FBXO8: variants seen among roughly 807,000 people sequenced by gnomAD.
FBXO8 encodes the protein F-box protein 8.
In FBXO8, 15 loss-of-function variants were observed where a neutral mutation model predicts 33.4. The observed-to-expected ratio is 0.45, with a 90% CI of 0.30 to 0.69. FBXO8 has a LOEUF of 0.69. FBXO8 is among the 30% of genes least tolerant of loss of function. The probability of loss-of-function intolerance (pLI) is 0.08; values close to 1 mark genes in which losing one functional copy is unlikely to be tolerated. For missense variants in FBXO8, 274 were observed against 380.3 expected, an observed-to-expected ratio of 0.72 and a Z score of 2.32; for synonymous variants, 132 against 131.5, an observed-to-expected ratio of 1.00 and a Z score of -0.02.
At position 174,272,349 on chromosome 4, in the gene FBXO8, T is replaced by A. The variant is rs1159091065; in HGVS notation, c.-8-9249A>T. 6.6e-6 allele frequency among the ~76,000 whole-genome samples: 1 copy of A among 152,230 alleles called. No individual in the cohort carries two copies. Among genetic ancestry groups the A allele is most frequent in the African/African-American group, 2.4e-5 (1 of 41,452 alleles). ...CTTTAAATCATCTCTAGATTACTTA[T>A]AACATCCAATAAGATGTAAATGCTA... is the stretch of plus-strand genomic sequence containing the variant. On this transcript the variant is annotated intron_variant, in intron 1 of 5. Transcript: ENST00000393674. This position sits in a 1 kb window ranked among gnomAD's most constrained non-coding sequence, Gnocchi z 4.7.
At chr4:174,273,235 T>G (rs566295107) in intron 1 of FBXO8, among the ~76,000 whole-genome samples, 1 of 150,842 alleles carries the variant, frequency 6.6e-6, no homozygotes, top group East Asian at 2.0e-4. Context: ...TCCAGTGAAC[T>G]AAGATTACAC....
At chr4:174,280,341 C>T (rs1737051982) in intron 1 of FBXO8, among the ~76,000 whole-genome samples, 1 of 151,746 alleles carries the variant, frequency 6.6e-6, no homozygotes, top group South Asian at 2.1e-4. Context: ...TAAGTCTTGG[C>T]AAGGATGTGG....
chr4:174,270,456 T>C lies in FBXO8; in HGVS notation c.-8-7356A>G, dbSNP rs890833121. On this transcript the variant is annotated intron_variant, in intron 1 of 5. Transcript: ENST00000393674. The surrounding 1 kb of genome is among the most constrained non-coding windows in gnomAD (Gnocchi z 4.6). ...CAGCCACTATCACCCCTATATGATC[T>C]GTTGTCCTCCCACCTGCTAACATTT... Among the ~76,000 whole-genome samples, 2 of 152,160 alleles carry C rather than the reference T, an allele frequency of 1.3e-5. No homozygotes were observed. The highest frequency in any genetic ancestry group is 2.9e-5 in the Non-Finnish European group (2 of 68,020).
chr4:174,275,187 A>G lies in FBXO8; in HGVS notation c.-9+8223T>C, dbSNP rs1210252797. Among the ~76,000 whole-genome samples the G allele has an allele frequency of 6.6e-6, 1 of 152,236 alleles. No homozygotes were observed. Among genetic ancestry groups the G allele is most frequent in the Non-Finnish European group, 1.5e-5 (1 of 68,034 alleles). On this transcript the variant is annotated intron_variant, in intron 1 of 5. Transcript: ENST00000393674. The surrounding 1 kb of genome is among the most constrained non-coding windows in gnomAD (Gnocchi z 4.4). Reference sequence around the variant, plus strand: ...GGATATACAAATGGCAAATAAGCACATGGTAAGATGGTCAACATCATTAGC... The same window carrying G: ...GGATATACAAATGGCAAATAAGCACGTGGTAAGATGGTCAACATCATTAGC...
At chr4:174,243,716 T>C (rs1296743848) in intron 3 of FBXO8, among the ~76,000 whole-genome samples, 2 of 151,244 alleles carry the variant, frequency 1.3e-5, no homozygotes, top group Non-Finnish European at 3.0e-5. Flanking sequence ...CCACATAGCA[T>C]ATCAGTGACT....
chr4:174,251,357 T>C lies in FBXO8; in HGVS notation c.456+8342A>G, dbSNP rs1463052887. Among the ~76,000 whole-genome samples the C allele has an allele frequency of 5.9e-5, 9 of 152,094 alleles. No individual in the cohort carries two copies. Among genetic ancestry groups the C allele is most frequent in the African/African-American group, 2.2e-4 (9 of 41,430 alleles). The stretch of plus-strand genomic sequence containing the variant: ...ACCAGATAAAGATTAGAAGAGGGCC[T>C]CGGAAATTTGTCTTTCTTTCAAGTT... On this transcript the variant is annotated intron_variant, in intron 3 of 5. Transcript: ENST00000393674. The surrounding 1 kb of genome is among the most constrained non-coding windows in gnomAD (Gnocchi z 4.2).
Position 174,251,120 on chromosome 4 carries a change from A to G in FBXO8, c.456+8579T>C, listed in dbSNP as rs542167777. Among the ~76,000 whole-genome samples, 1 of 152,202 alleles carries G rather than the reference A, an allele frequency of 6.6e-6. No individual in the cohort carries two copies. Among genetic ancestry groups the G allele is most frequent in the Non-Finnish European group, 1.5e-5 (1 of 68,024 alleles). ...CAAATAAAAAATTGTTCATTGTAGC[A>G]TATCATATTTTAATATTAAAAATTT... On this transcript the variant is annotated intron_variant, in intron 3 of 5. Transcript: ENST00000393674. The surrounding 1 kb of genome is among the most constrained non-coding windows in gnomAD (Gnocchi z 4.2).
intron 1 of FBXO8, among the ~76,000 whole-genome samples, chr4:174,266,941 T>C (rs1447337074): frequency 7.9e-5 from 12 of 152,232 alleles, no homozygotes; most frequent in Non-Finnish European, 1.2e-4. Flanking sequence ...GCTTATTTAA[T>C]GATACTTAAA....
At position 174,254,737 on chromosome 4, in the gene FBXO8, T is replaced by A. The variant is rs951552118; in HGVS notation, c.456+4962A>T. 3.3e-5 allele frequency among the ~76,000 whole-genome samples: 5 copies of A among 152,130 alleles called. No individual in the cohort carries two copies. The highest frequency in any genetic ancestry group is 1.2e-4 in the African/African-American group (5 of 41,442). ...CAAGACTCAATTCAACTCTCAGGGT[T>A]TGTTTGTTTGTTTGTTTTGTAGTAA... On this transcript the variant is annotated intron_variant, in intron 3 of 5. Coordinates refer to ENST00000393674, the MANE Select transcript of FBXO8 (RefSeq NM_012180.3). This position sits in a 1 kb window ranked among gnomAD's most constrained non-coding sequence, Gnocchi z 4.2.
At position 174,270,883 on chromosome 4, in the gene FBXO8, A is replaced by G. The variant is rs1449791982; in HGVS notation, c.-8-7783T>C. Among the ~76,000 whole-genome samples the G allele has an allele frequency of 6.6e-6, 1 of 152,130 alleles. No individual in the cohort carries two copies. Among genetic ancestry groups the G allele is most frequent in the African/African-American group, 2.4e-5 (1 of 41,432 alleles). ...CCGCCCGCCTCGGCTTCTCAGGAATAGGTTTTAAACTAATATTGGGATAAG... is the reference window on the plus strand; with the variant it reads ...CCGCCCGCCTCGGCTTCTCAGGAATGGGTTTTAAACTAATATTGGGATAAG... On this transcript the variant is annotated intron_variant, in intron 1 of 5. Transcript: ENST00000393674. This position sits in a 1 kb window ranked among gnomAD's most constrained non-coding sequence, Gnocchi z 4.6.
In FBXO8 at chr4:174,252,615, G is replaced by A. The variant is rs141452083; in HGVS notation, c.456+7084C>T. 6.6e-5 allele frequency among the ~76,000 whole-genome samples: 10 copies of A among 151,954 alleles called. No homozygotes were observed. Among genetic ancestry groups the A allele is most frequent in the Admixed American group, 5.9e-4 (9 of 15,260 alleles). On this transcript the variant is annotated intron_variant, in intron 3 of 5. Coordinates refer to ENST00000393674, the MANE Select transcript of FBXO8 (RefSeq NM_012180.3). The surrounding 1 kb of genome is among the most constrained non-coding windows in gnomAD (Gnocchi z 5.1). ...ATATTCTCACATACCAATGCCTAGA[G>A]GTGTACATGACACATGTACTTGTGC...
intron 1 of FBXO8, among the ~76,000 whole-genome samples, chr4:174,269,443 T>C (rs1206931483): frequency 2.0e-5 from 3 of 152,142 alleles, no homozygotes; most frequent in Admixed American, 6.5e-5. Context: ...CTCAGCACTT[T>C]GGGAGGCCGA....
chr4:174,261,187 C>A lies in FBXO8; in HGVS notation c.330-1362G>T, dbSNP rs1402191461. Among the ~76,000 whole-genome samples the A allele has an allele frequency of 6.6e-6, 1 of 151,652 alleles. No homozygotes were observed. Among genetic ancestry groups the A allele is most frequent in the African/African-American group, 2.4e-5 (1 of 41,344 alleles). ...CTTATTAATCTAGTCCCAATAAAAC[C>A]CAAAACTAGAGTTTTATTACTAAGC... On this transcript the variant is annotated intron_variant, in intron 2 of 5. Transcript: ENST00000393674. The surrounding 1 kb of genome is among the most constrained non-coding windows in gnomAD (Gnocchi z 4.1).
At chr4:174,260,613 C>T (rs187077791) in intron 2 of FBXO8, among the ~76,000 whole-genome samples, 1 of 151,936 alleles carries the variant, frequency 6.6e-6, no homozygotes, top group African/African-American at 2.4e-5. Flanking sequence ...AAAATACTAA[C>T]AGTTCATATC....
intron 3 of FBXO8, among the ~76,000 whole-genome samples, chr4:174,249,220 C>T (rs946678735): frequency 1.3e-5 from 2 of 151,906 alleles, no homozygotes; most frequent in African/African-American, 4.8e-5. Context: ...TTAAATGTAA[C>T]AATCATTATT....
chr4:174,237,339 A>C lies in FBXO8; in HGVS notation c.*73T>G. On this transcript the variant is annotated 3_prime_UTR_variant, in exon 6 of 6. Transcript: ENST00000393674. This position sits in a 1 kb window ranked among gnomAD's most constrained non-coding sequence, Gnocchi z 4.4. ...AGGCTACAATGACCAGCACTGATGT[A>C]ACCCCCATATCTGCTAAGTCCTTGG... 19 of 1,281,950 alleles carry C rather than the reference A, an allele frequency of 1.5e-5. No individual in the cohort carries two copies. Among genetic ancestry groups the C allele is most frequent in the Non-Finnish European group, 2.0e-5 (18 of 906,036 alleles). The allele number at this position is 1,281,950 out of a possible 1,614,324, so 79.4% of individuals were successfully genotyped here. A position where few individuals can be genotyped will look rare whatever the true frequency, so the allele number is the denominator to read the frequency against.
rs1736820853 is a variant in FBXO8 at position 174,270,789 on chromosome 4, T to A, written c.-8-7689A>T. Among the ~76,000 whole-genome samples the A allele has an allele frequency of 6.6e-6, 1 of 152,136 alleles. No homozygotes were observed. The highest frequency in any genetic ancestry group is 2.4e-5 in the African/African-American group (1 of 41,418). ...TGCCACCACGCCTGGCTAATTTTTG[T>A]ATTTTTAGTAGAGACGGAGTTTCAC... On this transcript the variant is annotated intron_variant, in intron 1 of 5. Coordinates refer to ENST00000393674, the MANE Select transcript of FBXO8 (RefSeq NM_012180.3). The surrounding 1 kb of genome is among the most constrained non-coding windows in gnomAD (Gnocchi z 4.6).
At chr4:174,249,825 T>C (rs1339800693) in intron 3 of FBXO8, among the ~76,000 whole-genome samples, 5 of 152,004 alleles carry the variant, frequency 3.3e-5, no homozygotes, top group South Asian at 4.1e-4. Flanking sequence ...TTACTGTATA[T>C]GCAAAAGATT....
rs1190238517 is a variant in FBXO8, at chr4:174,263,476, A to C, written c.-8-376T>G. 6.6e-6 allele frequency among the ~76,000 whole-genome samples: 1 copy of C among 152,198 alleles called. No individual in the cohort carries two copies. The highest frequency in any genetic ancestry group is 1.5e-5 in the Non-Finnish European group (1 of 68,030). On this transcript the variant is annotated intron_variant, in intron 1 of 5. Transcript: ENST00000393674. The surrounding 1 kb of genome is among the most constrained non-coding windows in gnomAD (Gnocchi z 4.2). ...AAATACAGCTCTGATCAGAGCACGG[A>C]CTTTAGTTAAAAGGCCTCCAGACCC... is the stretch of plus-strand genomic sequence containing the variant.
Sources: allele counts gnomAD v4.1 joint callset (sites outside exome capture counted in the v4.1 genomes callset), GRCh38; gene constraint gnomAD v4.1.1; non-coding constraint Gnocchi (gnomAD v3.1); transcripts MANE v1.5; gene names NCBI Gene and HGNC (gene_info 2026-07-23, HGNC 2026-07-21).